Variants in AKT2 observed in about 807,000 individuals in gnomAD.
The protein encoded by AKT2 is AKT serine/threonine kinase 2.
In AKT2, 16 loss-of-function variants were observed where a neutral mutation model predicts 58.6. That is an observed-to-expected ratio of 0.27 (90% CI 0.18 to 0.41). The LOEUF is 0.41. AKT2 is among the 10% of genes least tolerant of loss of function. AKT2 has a pLI of 1.00. For synonymous variants in AKT2, 253 were observed against 254.0 expected, an observed-to-expected ratio of 1.00 and a Z score of 0.04; for missense variants, 438 against 661.0, an observed-to-expected ratio of 0.66 and a Z score of 3.70.
At chr19:40,247,749 C>T (rs1028348822) in intron 4 of AKT2, among the ~76,000 whole-genome samples, 2 of 152,156 alleles carry the variant, frequency 1.3e-5, no homozygotes, top group Non-Finnish European at 2.9e-5. Context: ...GGACTCCTGT[C>T]GCCCTCCCAG....
chr19:40,271,339 T>C (rs778022879), intron 1 of AKT2, among the ~76,000 whole-genome samples: 104 of 141,034 alleles, frequency 7.4e-4, no homozygotes, highest in South Asian at 6.8e-4. Context: ...AGGTGGGAGG[T>C]TGACCTGAGC....
At chr19:40,278,222 G>A (rs891801024) in intron 1 of AKT2, among the ~76,000 whole-genome samples, 5 of 152,204 alleles carry the variant, frequency 3.3e-5, no homozygotes, top group Non-Finnish European at 5.9e-5. Flanking sequence ...AGGCAGCTTC[G>A]CCGACAGAGC....
intron 3 of AKT2, among the ~76,000 whole-genome samples, chr19:40,256,237 C>T (rs1036833700): frequency 1.3e-5 from 2 of 152,092 alleles, no homozygotes; most frequent in African/African-American, 4.8e-5. Context: ...TGCAGAGCAG[C>T]GTGGGACGGG....
At chr19:40,275,043 C>A (rs1471983116) in intron 1 of AKT2, 4 of 456,620 alleles carry the variant, frequency 8.8e-6, no homozygotes, top group Admixed American at 4.7e-5. Context: ...ACTTGAGAAC[C>A]ATGAGGACCT....
At chr19:40,279,503 G>A (rs1469640091) in intron 1 of AKT2, 4 of 152,330 alleles carry the variant, frequency 2.6e-5, no homozygotes, top group East Asian at 1.9e-4. Flanking sequence ...GGCCCGGGGA[G>A]GGGTGACCCT....
intron 1 of AKT2, among the ~76,000 whole-genome samples, chr19:40,269,805 T>A (rs1186098133): frequency 1.3e-5 from 2 of 152,032 alleles, no homozygotes; most frequent in Non-Finnish European, 2.9e-5. Flanking sequence ...TGAGAGAATG[T>A]TATAGAGTGA....
At chr19:40,240,431 C>T in intron 6 of AKT2, 4 of 552,518 alleles carry the variant, frequency 7.2e-6, no homozygotes, top group South Asian at 4.8e-5. Flanking sequence ...GGTGCCACCA[C>T]AGGCTGTGGG....
intron 1 of AKT2, chr19:40,274,833 C>G (rs2145411781): frequency 5.8e-6 from 2 of 347,470 alleles, no homozygotes; most frequent in East Asian, 1.5e-4. Flanking sequence ...TTGGGGGCCA[C>G]TGTCAGCATT....
chr19:40,270,043 C>T (rs1027649362), intron 1 of AKT2, among the ~76,000 whole-genome samples: 3 of 152,256 alleles, frequency 2.0e-5, no homozygotes, highest in African/African-American at 7.2e-5. Flanking sequence ...CATGGGGACG[C>T]CCCACCTCAG....
At chr19:40,276,955 C>T (rs1423431768) in intron 1 of AKT2, among the ~76,000 whole-genome samples, 1 of 152,124 alleles carries the variant, frequency 6.6e-6, no homozygotes, top group African/African-American at 2.4e-5. Context: ...CCAGTGAGGT[C>T]AAGGCTGCAA....
intron 6 of AKT2, chr19:40,240,687 C>A: frequency 5.1e-6 from 1 of 197,066 alleles, no homozygotes. Flanking sequence ...GGAGTGGTTC[C>A]AAAAATCTGG....
chr19:40,275,764 TGG>T (rs1004974778), intron 1 of AKT2, among the ~76,000 whole-genome samples: 96 of 4,740 alleles, frequency 0.02, 4 homozygotes, highest in Non-Finnish European at 0.017. Flanking sequence ...TTTGGGAGGC[TGG>T]GGGGGGGGGG....
At chr19:40,273,355 A>AT (rs2077251248) in intron 1 of AKT2, 1 of 151,736 alleles carries the variant, frequency 6.6e-6, no homozygotes, top group Non-Finnish European at 1.5e-5. Flanking sequence ...AAAAAAAAAA[A>AT]ATTATTATTT....
rs1599933207 is a variant in AKT2, at chr19:40,230,401, C to T, written c.*3471G>A. 1.3e-5 allele frequency: 3 copies of T among 222,684 alleles called. No individual in the cohort carries two copies. The highest frequency in any genetic ancestry group is 1.3e-4 in the East Asian group (2 of 15,398). 13.8% of individuals were successfully genotyped at this position (222,684 alleles called of 1,614,324 possible). ...ATTCCTGTTAACGGGGCAGCTGAAG[C>T]GGTTGAGGGGTCTACCCCATGGAAC... On this transcript the variant is annotated 3_prime_UTR_variant, in exon 14 of 14. Transcript: ENST00000392038.
intron 1 of AKT2, among the ~76,000 whole-genome samples, chr19:40,277,999 T>C (rs1486895625): frequency 6.6e-6 from 1 of 151,982 alleles, no homozygotes; most frequent in Non-Finnish European, 1.5e-5. Flanking sequence ...TGGGCCCCCC[T>C]TGGGAGGGGC....
At chr19:40,273,797 G>A (rs2077261578) in intron 1 of AKT2, among the ~76,000 whole-genome samples, 2 of 152,054 alleles carry the variant, frequency 1.3e-5, no homozygotes, top group African/African-American at 4.8e-5. Context: ...CACTCTGAGG[G>A]CTCCATGCTG....
intron 1 of AKT2, among the ~76,000 whole-genome samples, chr19:40,267,411 T>C (rs873143): frequency 0.11 from 17,430 of 152,098 alleles, 1,462 homozygotes; most frequent in African/African-American, 0.23. Context: ...TATGCTTCTG[T>C]CACTCAAGCC....
chr19:40,242,730 G>T lies in AKT2; in HGVS notation c.288-43C>A. On this transcript the variant is annotated intron_variant, in intron 4 of 13. Coordinates refer to ENST00000392038, the MANE Select transcript of AKT2 (RefSeq NM_001626.6). The surrounding 1 kb of genome is among the most constrained non-coding windows in gnomAD (Gnocchi z 4.3). ...TGAGTCCCAGCAGCCAGGAGTCCTG[G>T]GCCTCAGAGTCGAACAGCTGAGTGC... is the stretch of plus-strand genomic sequence containing the variant. 3 of 1,603,996 alleles carry T rather than the reference G, an allele frequency of 1.9e-6. No individual in the cohort carries two copies. The highest frequency in any genetic ancestry group is 4.5e-5 in the East Asian group (2 of 44,820).
At chr19:40,266,778 C>A (rs1976386866) in intron 1 of AKT2, among the ~76,000 whole-genome samples, 1 of 152,164 alleles carries the variant, frequency 6.6e-6, no homozygotes, top group Non-Finnish European at 1.5e-5. Flanking sequence ...GAACTTGTCT[C>A]ACGACCTAAT....
Sources: allele counts gnomAD v4.1 joint callset (sites outside exome capture counted in the v4.1 genomes callset), GRCh38; gene constraint gnomAD v4.1.1; non-coding constraint Gnocchi (gnomAD v3.1); transcripts MANE v1.5; gene names NCBI Gene and HGNC (gene_info 2026-07-23, HGNC 2026-07-21).